RALGPS2: variants seen among roughly 807,000 people sequenced by gnomAD.
RALGPS2 encodes the protein ras-specific guanine nucleotide-releasing factor RalGPS2.
RALGPS2 carries 43 observed loss-of-function variants against 86.8 expected under a neutral mutation model. The ratio of observed to expected loss-of-function variants is 0.50; its 90% CI spans 0.39 to 0.64. RALGPS2 has a LOEUF of 0.64. RALGPS2 is among the 30% of genes least tolerant of loss of function. The pLI is 0.00. For missense variants in RALGPS2, 536 were observed against 694.6 expected (o/e 0.77, Z 2.57); for synonymous variants, 243 against 231.3 (o/e 1.05, Z -0.46).
chr1:178,856,394 ATTTT>A (rs71108081), intron 8 of RALGPS2, among the ~76,000 whole-genome samples: 64 of 36,410 alleles, frequency 1.8e-3, no homozygotes, highest in African/African-American at 6.9e-3. Context: ...TGCCTGGCTA[ATTTT>A]TTTTTTTTTT....
intron 8 of RALGPS2, among the ~76,000 whole-genome samples, chr1:178,857,908 C>T (rs1412899565): frequency 1.3e-5 from 2 of 152,122 alleles, no homozygotes; most frequent in East Asian, 3.8e-4. Context: ...AATAGACACT[C>T]AGATGTTTAA....
At chr1:178,754,229 T>A (rs1651838254) in intron 1 of RALGPS2, among the ~76,000 whole-genome samples, 1 of 150,738 alleles carries the variant, frequency 6.6e-6, no homozygotes. Context: ...TGTATATATA[T>A]TTTATTATAT....
chr1:178,799,397 T>TA lies in RALGPS2; in HGVS notation c.214-8647dup, dbSNP rs1654360092. The stretch of plus-strand genomic sequence containing the variant: ...GAAAAAAAAAATGCCACAAAGGACA[T>TA]ATATTAGCAAGGAAGAGAGGCAAGC... On this transcript the variant is annotated intron_variant, in intron 4 of 19. Coordinates refer to ENST00000367635, the MANE Select transcript of RALGPS2 (RefSeq NM_152663.5). Among the ~76,000 whole-genome samples the TA allele has an allele frequency of 9.2e-5, 14 of 152,004 alleles. No homozygotes were observed. The South Asian group carries it at 2.5e-3, about 27-fold the overall frequency.
At chr1:178,750,210 A>T (rs1358781487) in intron 1 of RALGPS2, among the ~76,000 whole-genome samples, 2 of 151,932 alleles carry the variant, frequency 1.3e-5, no homozygotes, top group South Asian at 2.1e-4. Context: ...CCAAAAAGTA[A>T]ATTAAAATCT....
At chr1:178,841,221 C>T (rs1204542990) in intron 8 of RALGPS2, among the ~76,000 whole-genome samples, 9 of 151,894 alleles carry the variant, frequency 5.9e-5, no homozygotes, top group African/African-American at 2.2e-4. Context: ...AGACCAATAT[C>T]CTTGATGAAC....
At chr1:178,901,189 T>C (rs1329654065) in intron 17 of RALGPS2, among the ~76,000 whole-genome samples, 2 of 152,044 alleles carry the variant, frequency 1.3e-5, no homozygotes, top group Non-Finnish European at 2.9e-5. Context: ...ACATGTACAT[T>C]TTAAAGCATA....
intron 11 of RALGPS2, among the ~76,000 whole-genome samples, chr1:178,884,222 C>T (rs988218384): frequency 3.9e-5 from 6 of 152,008 alleles, no homozygotes; most frequent in East Asian, 1.9e-4. Flanking sequence ...ATTTTAGTGA[C>T]GTAATTTTTT....
At chr1:178,747,010 A>G in intron 1 of RALGPS2, 1 of 917,400 alleles carries the variant, frequency 1.1e-6, no homozygotes, top group Non-Finnish European at 1.8e-6. Flanking sequence ...ATCTCCCTTT[A>G]CACATTTTGC....
At chr1:178,806,383 A>T (rs1654743706) in intron 4 of RALGPS2, among the ~76,000 whole-genome samples, 1 of 152,080 alleles carries the variant, frequency 6.6e-6, no homozygotes, top group Admixed American at 6.6e-5. Flanking sequence ...ATACCTTCTG[A>T]TGCCTGTTTT....
In RALGPS2 at chr1:178,733,823, A is replaced by G. The variant is rs184132157; in HGVS notation, c.-84+8404A>G. Among the ~76,000 whole-genome samples the G allele has an allele frequency of 5.4e-4, 83 of 152,360 alleles. No individual in the cohort carries two copies. In the Middle Eastern group the frequency reaches 0.017, roughly 31 times the overall value. ...TGGAATAGGTAAAGGATTCTTACGT[A>G]TGACACAAAGTGACACCAAAAGCAG... On this transcript the variant is annotated intron_variant, in intron 1 of 19. Transcript: ENST00000367635.
chr1:178,865,899 CTG>C, intron 8 of RALGPS2: 2 of 707,712 alleles, frequency 2.8e-6, no homozygotes, highest in Non-Finnish European at 2.3e-6. Context: ...GAGGGAAAAA[CTG>C]AATATTTATT....
intron 1 of RALGPS2, among the ~76,000 whole-genome samples, chr1:178,736,162 G>GTT (rs1409494738): frequency 1.4e-5 from 2 of 147,170 alleles, no homozygotes; most frequent in Non-Finnish European, 3.0e-5. Context: ...TAATTTGTGG[G>GTT]TTGTTTTTTT....
intron 17 of RALGPS2, among the ~76,000 whole-genome samples, chr1:178,899,655 T>G (rs1446739445): frequency 1.4e-5 from 2 of 142,790 alleles, no homozygotes; most frequent in Non-Finnish European, 1.5e-5. Flanking sequence ...TGGTTTTGGT[T>G]TTTTTTTTTG....
chr1:178,918,930 C>T lies in RALGPS2; in HGVS notation c.*2571C>T, dbSNP rs1660894807. 1 of 152,018 alleles carries T rather than the reference C, an allele frequency of 6.6e-6. No individual in the cohort carries two copies. Among genetic ancestry groups the T allele is most frequent in the South Asian group, 2.1e-4 (1 of 4,832 alleles). 9.4% of individuals were successfully genotyped at this position (152,018 alleles called of 1,614,324 possible). ...CAATTGTAAATAAGTGACTCAAAAA[C>T]TCAAAATGTTCATCAGCATTCAGGT... On this transcript the variant is annotated 3_prime_UTR_variant, in exon 20 of 20. Transcript: ENST00000367635.
chr1:178,744,817 CAAAAAAAAAAA>C lies in RALGPS2; in HGVS notation c.-84+19408_-84+19418del, dbSNP rs148175568. Among the ~76,000 whole-genome samples, 196 of 66,036 alleles carry C rather than the reference CAAAAAAAAAAA, an allele frequency of 3.0e-3. 2 individuals carry two copies. The highest frequency in any genetic ancestry group is 7.8e-3 in the African/African-American group (175 of 22,524). The allele number at this position is 66,036 out of a possible 152,430, so 43.3% of individuals were successfully genotyped here. A position where few individuals can be genotyped will look rare whatever the true frequency, so the allele number is the denominator to read the frequency against. ...TGGGCGACAGAGCGAGACTCCATCT[CAAAAAAAAAAA>C]AAAAAAAAAGAAAGGAAAAGGCATC... On this transcript the variant is annotated intron_variant, in intron 1 of 19. Coordinates refer to ENST00000367635, the MANE Select transcript of RALGPS2 (RefSeq NM_152663.5).
intron 4 of RALGPS2, among the ~76,000 whole-genome samples, chr1:178,797,512 T>C (rs1654253266): frequency 6.6e-6 from 1 of 152,094 alleles, no homozygotes; most frequent in South Asian, 2.1e-4. Context: ...TTTTTTAACT[T>C]TTTATTTTGA....
chr1:178,824,094 A>G (rs1006047019), intron 7 of RALGPS2, among the ~76,000 whole-genome samples: 3 of 152,206 alleles, frequency 2.0e-5, no homozygotes, highest in Non-Finnish European at 4.4e-5. Flanking sequence ...CCTTTGTCAA[A>G]TGCTACTAAT....
intron 4 of RALGPS2, among the ~76,000 whole-genome samples, chr1:178,799,623 T>C (rs1164974628): frequency 3.3e-5 from 5 of 152,274 alleles, no homozygotes; most frequent in African/African-American, 1.2e-4. Context: ...ATTGGTTCCA[T>C]TGATGCTTTG....
At chr1:178,815,066 T>TTTTG (rs748652133) in intron 6 of RALGPS2, among the ~76,000 whole-genome samples, 2 of 152,010 alleles carry the variant, frequency 1.3e-5, no homozygotes, top group Admixed American at 6.6e-5. Context: ...GTTTTGGTTT[T>TTTTG]TTTGTTTGTT....
Sources: gnomAD v4.1 joint callset for allele counts (sites outside exome capture counted in the v4.1 genomes callset) on GRCh38, gnomAD v4.1.1 for gene constraint, MANE v1.5 for transcripts, NCBI Gene and HGNC (gene_info 2026-07-23, HGNC 2026-07-21) for gene names.